SV2C: variants seen among roughly 807,000 people sequenced by gnomAD.
SV2C encodes the protein solute carrier family 22 member B3.
A neutral mutation model predicts 79.7 loss-of-function variants in SV2C; 49 were observed. The observed-to-expected ratio is 0.61, with a 90% CI of 0.49 to 0.78. The LOEUF is 0.78. SV2C is among the 30% of genes least tolerant of loss of function. The pLI is 0.00. For synonymous variants in SV2C, 334 were observed against 333.2 expected (o/e 1.00, Z -0.03); for missense variants, 833 against 912.9 (o/e 0.91, Z 1.13).
chr5:75,943,828 C>G, the SV2C span, among the ~76,000 whole-genome samples: 1 of 152,142 alleles, frequency 6.6e-6, no homozygotes, highest in Non-Finnish European at 1.5e-5. Context: ...GATGCTTTCT[C>G]CGTCCCTCTC....
At chr5:75,905,080 T>A in the SV2C span, among the ~76,000 whole-genome samples, 1 of 152,228 alleles carries the variant, frequency 6.6e-6, no homozygotes, top group Non-Finnish European at 1.5e-5. Context: ...AGCTTCAGTT[T>A]AGATTTTAGT....
chr5:75,943,611 T>C, the SV2C span, among the ~76,000 whole-genome samples: 2 of 152,296 alleles, frequency 1.3e-5, no homozygotes, highest in Non-Finnish European at 2.9e-5. Context: ...GTAACTGCTA[T>C]GCTAAATTTT....
chr5:75,898,584 A>G, the SV2C span, among the ~76,000 whole-genome samples: 1 of 152,204 alleles, frequency 6.6e-6, no homozygotes, highest in Non-Finnish European at 1.5e-5. Flanking sequence ...TGGCCTCATA[A>G]AATGAGTTAG....
the SV2C span, among the ~76,000 whole-genome samples, chr5:76,013,978 T>C: frequency 6.6e-6 from 1 of 152,218 alleles, no homozygotes; most frequent in East Asian, 1.9e-4. Flanking sequence ...ATATTTTAGT[T>C]ATAGAGGCTT....
chr5:75,900,132 G>T, the SV2C span, among the ~76,000 whole-genome samples: 1 of 152,090 alleles, frequency 6.6e-6, no homozygotes, highest in Non-Finnish European at 1.5e-5. Context: ...TATTTTGCTT[G>T]TTAGTTGATG....
the SV2C span, among the ~76,000 whole-genome samples, chr5:75,864,682 G>T: frequency 1.3e-5 from 2 of 152,174 alleles, no homozygotes; most frequent in Non-Finnish European, 2.9e-5. Flanking sequence ...TACTGTGGGG[G>T]TCCCTCCCAG....
At chr5:75,964,666 C>A in the SV2C span, among the ~76,000 whole-genome samples, 2 of 152,166 alleles carry the variant, frequency 1.3e-5, no homozygotes, top group Admixed American at 6.5e-5. Flanking sequence ...GGTTTCTTTA[C>A]CAGATTCTAC....
At chr5:76,281,504 G>A (rs1258855954) in intron 4 of SV2C, among the ~76,000 whole-genome samples, 1 of 152,094 alleles carries the variant, frequency 6.6e-6, no homozygotes, top group Non-Finnish European at 1.5e-5. Context: ...ACTGTAAGAA[G>A]AAGTGTATTG....
the SV2C span, among the ~76,000 whole-genome samples, chr5:75,884,086 G>C: frequency 6.6e-6 from 1 of 152,052 alleles, no homozygotes; most frequent in African/African-American, 2.4e-5. Flanking sequence ...TTGAACTTCG[G>C]GAAGATATAC....
At chr5:76,265,018 C>A (rs1333473664) in intron 4 of SV2C, among the ~76,000 whole-genome samples, 1 of 152,228 alleles carries the variant, frequency 6.6e-6, no homozygotes, top group Non-Finnish European at 1.5e-5. Context: ...AGCAGGAAGG[C>A]AGGAACATTT....
At chr5:75,921,148 A>G in the SV2C span, 1 of 897,202 alleles carries the variant, frequency 1.1e-6, no homozygotes, top group Admixed American at 2.0e-5. Context: ...TCATGGCACC[A>G]ATGAGCAAGT....
At chr5:75,920,475 A>G in the SV2C span, among the ~76,000 whole-genome samples, 1 of 152,194 alleles carries the variant, frequency 6.6e-6, no homozygotes, top group Non-Finnish European at 1.5e-5. Context: ...TATTTTAAGA[A>G]ACCCCCCCAA....
chr5:75,967,085 A>G, the SV2C span, among the ~76,000 whole-genome samples: 2 of 152,164 alleles, frequency 1.3e-5, no homozygotes, highest in African/African-American at 4.8e-5. Flanking sequence ...TGTAATCCCA[A>G]TGCTTTGAGA....
intron 4 of SV2C, among the ~76,000 whole-genome samples, chr5:76,263,543 A>G (rs1237218652): frequency 2.0e-5 from 3 of 152,124 alleles, no homozygotes; most frequent in African/African-American, 7.2e-5. Flanking sequence ...TAGTTGATGC[A>G]GATTTTTCAT....
the SV2C span, among the ~76,000 whole-genome samples, chr5:76,070,441 C>A: frequency 2.0e-5 from 3 of 152,198 alleles, no homozygotes; most frequent in Admixed American, 6.5e-5. Context: ...TTCAGTGGCA[C>A]TTCAGTCTCT....
chr5:75,904,014 A>C, the SV2C span, among the ~76,000 whole-genome samples: 1 of 152,178 alleles, frequency 6.6e-6, no homozygotes, highest in African/African-American at 2.4e-5. Flanking sequence ...TCATGGCATA[A>C]AATCTTCTGG....
At chr5:76,250,784 T>C (rs537911374) in intron 4 of SV2C, among the ~76,000 whole-genome samples, 60 of 152,320 alleles carry the variant, frequency 3.9e-4, no homozygotes, top group African/African-American at 1.4e-3. Context: ...ACCCAATTAT[T>C]TGTAGCCAGA....
chr5:75,949,738 G>A, the SV2C span, among the ~76,000 whole-genome samples: 1 of 152,146 alleles, frequency 6.6e-6, no homozygotes, highest in South Asian at 2.1e-4. Context: ...AAGCCATGTG[G>A]CACAGTGAGT....
the SV2C span, among the ~76,000 whole-genome samples, chr5:76,030,286 TTTTTTTA>T: frequency 1.7e-5 from 2 of 119,114 alleles, no homozygotes; most frequent in African/African-American, 7.6e-5. Context: ...TTTTTTTTTT[TTTTTTTA>T]TTTATTCCTG....
Sources: gnomAD v4.1 joint callset for allele counts (sites outside exome capture counted in the v4.1 genomes callset) on GRCh38, gnomAD v4.1.1 for gene constraint, MANE v1.5 for transcripts, NCBI Gene and HGNC (gene_info 2026-07-23, HGNC 2026-07-21) for gene names.